The following ZDHHC7 variants were observed in gnomAD, a reference collection of about 807,000 sequenced individuals.
ZDHHC7 encodes the protein zDHHC palmitoyltransferase 7.
In ZDHHC7, 12 loss-of-function variants were observed where a neutral mutation model predicts 34.1. That is an observed-to-expected ratio of 0.35 (90% CI 0.23 to 0.57). The LOEUF (loss-of-function observed/expected upper bound fraction) is 0.57, where lower values mean the gene tolerates loss of function less well. Ranked by LOEUF, ZDHHC7 falls within the 20% of genes least tolerant of loss-of-function variation. The probability of loss-of-function intolerance (pLI) is 0.84; values close to 1 mark genes in which losing one functional copy is unlikely to be tolerated. For synonymous variants in ZDHHC7, 185 were observed against 155.4 expected (o/e 1.19, Z -1.42); for missense variants, 388 against 402.7 (o/e 0.96, Z 0.31).
chr16:85,023,546 C>T, the ZDHHC7 span, among the ~76,000 whole-genome samples: 1 of 152,196 alleles, frequency 6.6e-6, no homozygotes, highest in South Asian at 2.1e-4. Context: ...CAAACACACA[C>T]AGAACTGGTG....
the ZDHHC7 span, among the ~76,000 whole-genome samples, chr16:85,022,587 T>A: frequency 6.6e-6 from 1 of 152,178 alleles, no homozygotes; most frequent in East Asian, 1.9e-4. Flanking sequence ...TTATCATTAA[T>A]GGATGCTAAA....
In ZDHHC7 at chr16:84,976,084, A is replaced by T. The variant is rs1028540435; in HGVS notation, c.*259T>A. On this transcript the variant is annotated 3_prime_UTR_variant, in exon 8 of 8. Coordinates refer to ENST00000313732, the MANE Select transcript of ZDHHC7 (RefSeq NM_017740.3). ...AATAACCCGAAGTATTCTCCACAGA[A>T]GCCCCAGCTCTGCAGGAGGCCACGG... is the stretch of plus-strand genomic sequence containing the variant. 2.0e-6 allele frequency: 1 copy of T among 499,438 alleles called. No individual in the cohort carries two copies. Among genetic ancestry groups the T allele is most frequent in the East Asian group, 3.9e-5 (1 of 25,958 alleles). The allele number at this position is 499,438 out of a possible 1,614,324, so 30.9% of individuals were successfully genotyped here.
the ZDHHC7 span, among the ~76,000 whole-genome samples, chr16:85,022,091 C>T: frequency 1.3e-5 from 2 of 149,886 alleles, no homozygotes; most frequent in Admixed American, 6.7e-5. Context: ...ACCCGGGAGG[C>T]GGAGCTTGCA....
At chr16:85,017,922 A>C in the ZDHHC7 span, among the ~76,000 whole-genome samples, 2 of 152,198 alleles carry the variant, frequency 1.3e-5, no homozygotes, top group South Asian at 4.1e-4. Context: ...ATATTCATGA[A>C]CATTCCTGGG....
At chr16:85,001,394 C>T (rs534504551) in intron 1 of ZDHHC7, among the ~76,000 whole-genome samples, 4 of 146,792 alleles carry the variant, frequency 2.7e-5, no homozygotes, top group Admixed American at 2.2e-4. Flanking sequence ...TCACTTGAAC[C>T]CTGGAGGCTG....
intron 4 of ZDHHC7, among the ~76,000 whole-genome samples, chr16:84,981,505 C>A (rs1037206098): frequency 6.6e-6 from 1 of 152,182 alleles, no homozygotes; most frequent in Non-Finnish European, 1.5e-5. Flanking sequence ...TTTCTTCTGG[C>A]CCCCACACAG....
At chr16:85,009,431 T>G (rs983582042) in intron 1 of ZDHHC7, among the ~76,000 whole-genome samples, 2 of 152,062 alleles carry the variant, frequency 1.3e-5, no homozygotes, top group African/African-American at 4.8e-5. Flanking sequence ...GTTCATTGAT[T>G]AGCAGGGCTG....
At chr16:84,976,981 C>T (rs1363615069) in intron 7 of ZDHHC7, 114 bp downstream of exon 7, 9 of 1,456,660 alleles carry the variant, frequency 6.2e-6, no homozygotes, top group African/African-American at 2.8e-5. Flanking sequence ...TCATCAAGAC[C>T]GTCCCATTAC....
the ZDHHC7 span, among the ~76,000 whole-genome samples, chr16:85,018,976 C>A: frequency 1.5e-4 from 23 of 152,136 alleles, no homozygotes; most frequent in African/African-American, 4.6e-4. Flanking sequence ...TCCCTGAATT[C>A]CTTTTCTGCA....
chr16:85,017,446 G>A, the ZDHHC7 span, among the ~76,000 whole-genome samples: 1 of 152,128 alleles, frequency 6.6e-6, no homozygotes, highest in Non-Finnish European at 1.5e-5. Flanking sequence ...ACTCACAGGA[G>A]GAGCTGCTCA....
intron 1 of ZDHHC7, among the ~76,000 whole-genome samples, chr16:84,998,124 C>T (rs1432574265): frequency 1.3e-5 from 2 of 150,356 alleles, no homozygotes; most frequent in African/African-American, 2.5e-5. Flanking sequence ...ATTAGCCGGG[C>T]GTGGTGGCGG....
chr16:84,988,707 C>G, intron 3 of ZDHHC7: 1 of 1,480,564 alleles, frequency 6.8e-7, no homozygotes, highest in African/African-American at 1.4e-5. Context: ...GAGGAGCAAA[C>G]TGCTGAGGAC....
intron 1 of ZDHHC7, among the ~76,000 whole-genome samples, chr16:85,001,890 T>C (rs1430673060): frequency 1.3e-5 from 2 of 148,518 alleles, no homozygotes; most frequent in East Asian, 3.9e-4. Flanking sequence ...TACCATTCTC[T>C]AATAAATAAA....
chr16:84,993,478 TTG>T (rs1491256531), intron 2 of ZDHHC7, among the ~76,000 whole-genome samples: 54 of 145,366 alleles, frequency 3.7e-4, no homozygotes, highest in African/African-American at 1.2e-3. Context: ...CAAAACAAAA[TTG>T]TTTTTTTTTT....
chr16:85,023,865 C>T, the ZDHHC7 span, among the ~76,000 whole-genome samples: 2 of 152,114 alleles, frequency 1.3e-5, no homozygotes, highest in Admixed American at 1.3e-4. Flanking sequence ...GGTGATCTGC[C>T]TCGGCCTCCC....
At chr16:84,980,106 A>G (rs1471944514) in intron 4 of ZDHHC7, among the ~76,000 whole-genome samples, 2 of 151,366 alleles carry the variant, frequency 1.3e-5, no homozygotes, top group African/African-American at 2.4e-5. Flanking sequence ...GACTACAGGC[A>G]CCAGTCACCA....
the ZDHHC7 span, among the ~76,000 whole-genome samples, chr16:85,026,369 G>A: frequency 2.0e-5 from 3 of 152,094 alleles, no homozygotes; most frequent in African/African-American, 2.4e-5. Flanking sequence ...AAAGGAATGA[G>A]GGGTATTGGA....
the ZDHHC7 span, among the ~76,000 whole-genome samples, chr16:85,018,367 A>C: frequency 6.6e-6 from 1 of 152,134 alleles, no homozygotes; most frequent in East Asian, 1.9e-4. Flanking sequence ...GGTGCTAGTA[A>C]TATTCAATCT....
In ZDHHC7 at chr16:84,981,926, G is replaced by C. The variant is rs775365838; in HGVS notation, c.384C>G (p.Val128=). 25 of 1,614,226 alleles carry C rather than the reference G, an allele frequency of 1.5e-5. No individual in the cohort carries two copies. In the South Asian group the frequency reaches 2.7e-4, roughly 18 times the overall value. Residue 128 remains valine, a synonymous_variant, in exon 4 of 8, where the codon GTC becomes GTG. Coordinates refer to ENST00000313732, the MANE Select transcript of ZDHHC7 (RefSeq NM_017740.3). ...AGCAGCACTTGGGGCACTTGTAGAT[G>C]ACTTCCCCGGGCTTCAGCTGCAAGC... is the stretch of plus-strand genomic sequence containing the variant. The part of the protein sequence containing the change: ...MESLQLKPGE[V]IYKCPKCCCI...
Sources: allele counts gnomAD v4.1 joint callset (sites outside exome capture counted in the v4.1 genomes callset), GRCh38; gene constraint gnomAD v4.1.1; transcripts MANE v1.5; gene names NCBI Gene and HGNC (gene_info 2026-07-23, HGNC 2026-07-21).